NUTM2E: variants seen among roughly 807,000 people sequenced by gnomAD.
The protein encoded by NUTM2E is family with sequence similarity 22, member E.
In NUTM2E, 3 loss-of-function variants were observed where a neutral mutation model predicts 26.1. The ratio of observed to expected loss-of-function variants is 0.12; its 90% CI spans 0.05 to 0.30. The LOEUF (loss-of-function observed/expected upper bound fraction) is 0.30, where lower values mean the gene tolerates loss of function less well. Among genes scored for constraint, NUTM2E ranks in the 10% least tolerant of loss-of-function variants. The pLI is 1.00. For synonymous variants in NUTM2E, 13 were observed against 157.5 expected (o/e 0.08, Z 6.87); for missense variants, 62 against 381.3 (o/e 0.16, Z 6.97).
At chr10:79,833,571 A>G (rs1300071850) in intron 1 of NUTM2E, among the ~76,000 whole-genome samples, 1 of 151,826 alleles carries the variant, frequency 6.6e-6, no homozygotes, top group South Asian at 2.1e-4. Flanking sequence ...CACTTTTCAA[A>G]AGAAGGCATT....
Position 79,834,617 on chromosome 10 carries a change from C to G in NUTM2E, c.-2727-3692C>G, listed in dbSNP as rs576925098. On this transcript the variant is annotated intron_variant, in intron 1 of 9. Transcript: ENST00000429984. ...CGGGAGACAGAGGTTTCAGTGAGCC[C>G]AGATCACGCCACCATACTCCAGCCT... 3.2e-3 allele frequency among the ~76,000 whole-genome samples: 474 copies of G among 149,274 alleles called. 7 individuals carry two copies. The highest frequency in any genetic ancestry group is 0.011 in the African/African-American group (463 of 40,690).
intron 3 of NUTM2E, among the ~76,000 whole-genome samples, 21 bp from the exon 4 acceptor site, chr10:79,839,607 A>G (rs1207342779): frequency 1.3e-5 from 2 of 151,890 alleles, no homozygotes; most frequent in South Asian, 4.2e-4. Context: ...TAATCGTCAC[A>G]TCCTTTCTGC....
At chr10:79,833,925 A>G (rs1439852754) in intron 1 of NUTM2E, among the ~76,000 whole-genome samples, 2 of 151,926 alleles carry the variant, frequency 1.3e-5, no homozygotes, top group African/African-American at 4.8e-5. Context: ...TGTTTATTGC[A>G]GCACTATTCA....
Position 79,840,298 on chromosome 10 carries a change from A to G in NUTM2E, c.-1443A>G, listed in dbSNP as rs1368073988. Among the ~76,000 whole-genome samples, 2 of 97,438 alleles carry G rather than the reference A, an allele frequency of 2.1e-5. No individual in the cohort carries two copies. Among genetic ancestry groups the G allele is most frequent in the African/African-American group, 7.3e-5 (2 of 27,336 alleles). 63.9% of individuals were successfully genotyped at this position (97,438 alleles called of 152,430 possible). A position where few individuals can be genotyped will look rare whatever the true frequency, so the allele number is the denominator to read the frequency against. On this transcript the variant is annotated 5_prime_UTR_variant, in exon 4 of 10. Coordinates refer to ENST00000429984, the MANE Select transcript of NUTM2E (RefSeq NM_001355263.2). ...GTAAGTTTACCATGATTTTGCTTGA[A>G]TTGCTCTCCGTTGATCTTCTCAGCT...
chr10:79,839,447 T>C (rs1841985552), intron 3 of NUTM2E, among the ~76,000 whole-genome samples, 181 bp from the exon 4 acceptor site: 2 of 150,884 alleles, frequency 1.3e-5, no homozygotes, highest in African/African-American at 4.9e-5. Flanking sequence ...CTTGATCAAT[T>C]TCAGTCGATA....
At chr10:79,829,010 G>T (rs1841909627) in intron 1 of NUTM2E, among the ~76,000 whole-genome samples, 1 of 151,730 alleles carries the variant, frequency 6.6e-6, no homozygotes, top group Non-Finnish European at 1.5e-5. Flanking sequence ...TAATATAACT[G>T]TTGAGAGTAT....
chr10:79,827,825 C>T (rs75284370), intron 1 of NUTM2E, among the ~76,000 whole-genome samples: 7,414 of 122,964 alleles, frequency 0.06, 530 homozygotes, highest in East Asian at 0.25. Context: ...TTTTGTGATA[C>T]GGAGTTTTGC....
intron 1 of NUTM2E, among the ~76,000 whole-genome samples, chr10:79,834,693 T>A (rs1841949926): frequency 6.8e-6 from 1 of 147,892 alleles, no homozygotes. Flanking sequence ...CAAAATAAAA[T>A]ACAATAAAAA....
Position 79,832,875 on chromosome 10 carries a change from GTA to G in NUTM2E, c.-2727-5432_-2727-5431del, listed in dbSNP as rs926036437. Among the ~76,000 whole-genome samples, 8 of 151,756 alleles carry G rather than the reference GTA, an allele frequency of 5.3e-5. 1 individual carries two copies. The highest frequency in any genetic ancestry group is 2.0e-4 in the Admixed American group (3 of 15,180). On this transcript the variant is annotated intron_variant, in intron 1 of 9. Coordinates refer to ENST00000429984, the MANE Select transcript of NUTM2E (RefSeq NM_001355263.2). ...AATGAGAAACAGTGTATGTGTGTGT[GTA>G]TGTGTGTGTGTGTATATGTGGGCAT...
intron 1 of NUTM2E, among the ~76,000 whole-genome samples, chr10:79,834,443 A>G (rs537413846): frequency 1.8e-4 from 28 of 151,834 alleles, no homozygotes; most frequent in African/African-American, 4.8e-4. Flanking sequence ...CCTCACACCT[A>G]TAATCCAAGC....
At chr10:79,834,682 T>A (rs1589307161) in intron 1 of NUTM2E, among the ~76,000 whole-genome samples, 1 of 142,784 alleles carries the variant, frequency 7.0e-6, no homozygotes, top group South Asian at 2.4e-4. Flanking sequence ...AAAAAAAAAA[T>A]CAAAATAAAA....
chr10:79,833,099 T>C (rs879058237), intron 1 of NUTM2E, among the ~76,000 whole-genome samples: 1 of 152,012 alleles, frequency 6.6e-6, no homozygotes, highest in Non-Finnish European at 1.5e-5. Flanking sequence ...AAGTCACTTA[T>C]GTGGCCATAA....
intron 3 of NUTM2E, among the ~76,000 whole-genome samples, 70 bp from the exon 4 acceptor site, chr10:79,839,558 C>G (rs1841986404): frequency 6.6e-6 from 1 of 151,754 alleles, no homozygotes; most frequent in Non-Finnish European, 1.5e-5. Context: ...AGAGAAGCAA[C>G]TCACTGACTT....
intron 1 of NUTM2E, among the ~76,000 whole-genome samples, chr10:79,837,778 G>T (rs558624902): frequency 6.6e-6 from 1 of 151,960 alleles, no homozygotes; most frequent in Non-Finnish European, 1.5e-5. Flanking sequence ...ATTCTTTCAT[G>T]CATAGATATT....
chr10:79,835,752 A>T (rs1351366972), intron 1 of NUTM2E, among the ~76,000 whole-genome samples: 2 of 103,810 alleles, frequency 1.9e-5, no homozygotes, highest in African/African-American at 7.1e-5. Context: ...GACATTTGTG[A>T]GGTCCACTGG....
At chr10:79,829,941 C>T (rs1589305539) in intron 1 of NUTM2E, among the ~76,000 whole-genome samples, 1 of 150,806 alleles carries the variant, frequency 6.6e-6, no homozygotes, top group Non-Finnish European at 1.5e-5. Context: ...CTTTAAAATA[C>T]ATTTATTGTA....
intron 1 of NUTM2E, among the ~76,000 whole-genome samples, 163 bp from the exon 2 acceptor site, chr10:79,838,146 G>C (rs1841975326): frequency 6.6e-6 from 1 of 150,410 alleles, no homozygotes; most frequent in Non-Finnish European, 1.5e-5. Context: ...TAAAACCTAT[G>C]GCTTTACTGC....
intron 1 of NUTM2E, among the ~76,000 whole-genome samples, chr10:79,834,952 T>G (rs1185378010): frequency 6.6e-6 from 1 of 151,778 alleles, no homozygotes; most frequent in Non-Finnish European, 1.5e-5. Flanking sequence ...TCTCATCAAT[T>G]TATCTATTAT....
Position 79,842,056 on chromosome 10 carries a change from T to C in NUTM2E, c.316T>C (p.Ser106Pro). The change falls in exon 4 of 10, where the codon TCT becomes CCT. Residue 106 changes from serine to proline, a missense_variant. By Grantham distance (74) the Ser-to-Pro change is moderately conservative (BLOSUM62 -1). Coordinates refer to ENST00000429984, the MANE Select transcript of NUTM2E (RefSeq NM_001355263.2). Reference sequence around the variant, plus strand: ...CTCTCTGGGTCTTACCCTTGGCTTTTCTTATTGCGGAAACTGCCAGACGGC... The same window carrying C: ...CTCTCTGGGTCTTACCCTTGGCTTTCCTTATTGCGGAAACTGCCAGACGGC... ...GHSLGLTLGF[S>P]YCGNCQTAVV... is the part of the protein sequence containing the mutation. The C allele has an allele frequency of 1.0e-6, 1 of 981,900 alleles. No individual in the cohort carries two copies. Among genetic ancestry groups the C allele is most frequent in the Non-Finnish European group, 1.6e-6 (1 of 642,500 alleles). 60.8% of individuals were successfully genotyped at this position (981,900 alleles called of 1,614,324 possible).
Sources: gnomAD v4.1 joint callset for allele counts (sites outside exome capture counted in the v4.1 genomes callset) on GRCh38, gnomAD v4.1.1 for gene constraint, MANE v1.5 for transcripts, NCBI Gene and HGNC (gene_info 2026-07-23, HGNC 2026-07-21) for gene names.